Variants in USP33 observed in about 807,000 individuals in gnomAD.
The protein encoded by USP33 is ubiquitin carboxyl-terminal hydrolase 33.
USP33 carries 46 observed loss-of-function variants against 124.2 expected under a neutral mutation model. That is an observed-to-expected ratio of 0.37 (90% CI 0.29 to 0.47). The LOEUF is 0.47. Among genes scored for constraint, USP33 ranks in the 20% least tolerant of loss-of-function variants. The pLI is 0.99. For missense variants in USP33, 851 were observed against 1,070.6 expected (o/e 0.79, Z 2.86); for synonymous variants, 350 against 352.3 (o/e 0.99, Z 0.07).
chr1:77,720,621 C>T, intron 15 of USP33: 1 of 985,446 alleles, frequency 1.0e-6, no homozygotes, highest in African/African-American at 1.7e-5. Flanking sequence ...TTCCAGTTCA[C>T]TTTGCCTCAC....
intron 1 of USP33, chr1:77,745,697 C>A (rs990434229): frequency 1.3e-5 from 2 of 152,150 alleles, no homozygotes; most frequent in Non-Finnish European, 2.9e-5. Context: ...GACCACAGTG[C>A]AATCAAATTA....
chr1:77,735,572 T>C (rs1257373557), intron 6 of USP33, among the ~76,000 whole-genome samples: 1 of 152,170 alleles, frequency 6.6e-6, no homozygotes, highest in African/African-American at 2.4e-5. Flanking sequence ...ACCACTAGTA[T>C]CAATTATAAA....
Position 77,721,220 on chromosome 1 carries a change from G to C in USP33, c.1658-15C>G, listed in dbSNP as rs368680892. The stretch of plus-strand genomic sequence containing the variant: ...CATATTGTCACCTGCAAATAAAACA[G>C]ATCTGGCATTGGTTTCAAATTAACA... On this transcript the variant is annotated splice_polypyrimidine_tract_variant and intron_variant, in intron 14 of 23. Coordinates refer to ENST00000370794, the MANE Select transcript of USP33 (RefSeq NM_201624.3). 4 of 1,613,526 alleles carry C rather than the reference G, an allele frequency of 2.5e-6. No homozygotes were observed. Among genetic ancestry groups the C allele is most frequent in the Non-Finnish European group, 3.4e-6 (4 of 1,179,784 alleles).
chr1:77,732,392 C>T (rs771424956), intron 7 of USP33, among the ~76,000 whole-genome samples: 1 of 152,154 alleles, frequency 6.6e-6, no homozygotes, highest in Non-Finnish European at 1.5e-5. Context: ...ACTACCACTA[C>T]TTCTTGCCTA....
chr1:77,749,533 C>T (rs572604208), intron 1 of USP33, among the ~76,000 whole-genome samples: 3 of 152,058 alleles, frequency 2.0e-5, no homozygotes, highest in Non-Finnish European at 4.4e-5. Context: ...AGGCGTGTGC[C>T]ACCACGACTG....
chr1:77,705,665 T>C (rs1486832783), intron 21 of USP33, among the ~76,000 whole-genome samples: 2 of 150,480 alleles, frequency 1.3e-5, no homozygotes, highest in Non-Finnish European at 3.0e-5. Context: ...CCAGATTTGC[T>C]TTAAAAAAAA....
rs540315702 is a variant in USP33, at chr1:77,726,349, TA to T, written c.1136-588del. ...GATCTTGTTTGTCCAAATATAGCAT[TA>T]AAAAAAAAAAAAGAGGCTAGGCTGG... On this transcript the variant is annotated intron_variant, in intron 10 of 23. Transcript: ENST00000370794. Among the ~76,000 whole-genome samples the T allele has an allele frequency of 8.2e-3, 1,145 of 139,856 alleles. 8 individuals are homozygous for T. The highest frequency in any genetic ancestry group is 0.021 in the African/African-American group (793 of 38,168). 91.8% of individuals were successfully genotyped at this position (139,856 alleles called of 152,430 possible). A position where few individuals can be genotyped will look rare whatever the true frequency, so the allele number is the denominator to read the frequency against.
At chr1:77,723,584 C>A in intron 11 of USP33, 141 bp from the exon 12 acceptor site, 1 of 596,018 alleles carries the variant, frequency 1.7e-6, no homozygotes, top group Non-Finnish European at 2.9e-6. Context: ...TGAAAATTTT[C>A]AAAATACTCT....
intron 8 of USP33, among the ~76,000 whole-genome samples, 174 bp from the exon 9 acceptor site, chr1:77,730,112 T>C (rs1237649534): frequency 1.3e-5 from 2 of 152,206 alleles, no homozygotes; most frequent in Non-Finnish European, 2.9e-5. Context: ...TTATCCTTGA[T>C]ATTTTAAGTG....
chr1:77,759,501 C>A (rs1681124475), intron 1 of USP33, 142 bp downstream of exon 1: 3 of 397,032 alleles, frequency 7.6e-6, no homozygotes, highest in Admixed American at 4.4e-5. Flanking sequence ...CGCCCGCGAA[C>A]CCGCCGCCAC....
intron 15 of USP33, chr1:77,720,466 A>G: frequency 1.0e-6 from 1 of 985,424 alleles, no homozygotes; most frequent in Non-Finnish European, 1.2e-6. Flanking sequence ...TTATCAACCA[A>G]ATAGTATACC....
intron 4 of USP33, among the ~76,000 whole-genome samples, chr1:77,739,735 G>A (rs576493925): frequency 6.6e-6 from 1 of 152,138 alleles, no homozygotes; most frequent in Non-Finnish European, 1.5e-5. Flanking sequence ...ATTAACAATA[G>A]CAAGTAACTA....
At position 77,744,106 on chromosome 1, in the gene USP33, G is replaced by C. The variant is rs185699978; in HGVS notation, c.-51-2358C>G. Reference sequence around the variant, plus strand: ...GCCACTGCAATCCAACCTGAGGACAGAGCAAGACTCTGTCTCAAAAAAAAA... The same window carrying C: ...GCCACTGCAATCCAACCTGAGGACACAGCAAGACTCTGTCTCAAAAAAAAA... On this transcript the variant is annotated intron_variant, in intron 1 of 23. Transcript: ENST00000370794. 5.5e-5 allele frequency among the ~76,000 whole-genome samples: 8 copies of C among 144,348 alleles called. No individual in the cohort carries two copies. In the East Asian group the frequency reaches 1.6e-3, roughly 29 times the overall value. 94.7% of individuals were successfully genotyped at this position (144,348 alleles called of 152,430 possible). A position where few individuals can be genotyped will look rare whatever the true frequency, so the allele number is the denominator to read the frequency against.
intron 11 of USP33, among the ~76,000 whole-genome samples, chr1:77,724,140 GA>G (rs1676898398): frequency 6.6e-6 from 1 of 152,126 alleles, no homozygotes; most frequent in Non-Finnish European, 1.5e-5. Context: ...GAAAGATGAT[GA>G]AAGTCATCAT....
intron 1 of USP33, among the ~76,000 whole-genome samples, chr1:77,743,954 T>C (rs574358476): frequency 2.0e-5 from 3 of 152,086 alleles, no homozygotes; most frequent in African/African-American, 7.2e-5. Context: ...GGGAACCCCA[T>C]CTCTACTAAG....
chr1:77,736,318 A>G (rs755418920), intron 5 of USP33, among the ~76,000 whole-genome samples, 160 bp from the exon 6 acceptor site: 4 of 152,214 alleles, frequency 2.6e-5, no homozygotes, highest in Admixed American at 6.5e-5. Context: ...ACTTACATTT[A>G]TATTTTGAAG....
At chr1:77,722,912 T>C (rs951299053) in intron 12 of USP33, among the ~76,000 whole-genome samples, 8 of 152,218 alleles carry the variant, frequency 5.3e-5, no homozygotes, top group Non-Finnish European at 1.0e-4. Context: ...AGTCCCATCC[T>C]AAACATGGAA....
intron 15 of USP33, chr1:77,720,199 TA>T (rs1374968767): frequency 1.1e-5 from 4 of 350,700 alleles, no homozygotes; most frequent in South Asian, 2.2e-4. Flanking sequence ...AAAAAACCTT[TA>T]TTCTTACATG....
chr1:77,742,102 CACTTTTATCCT>C (rs1408351181), intron 1 of USP33, among the ~76,000 whole-genome samples: 1 of 151,376 alleles, frequency 6.6e-6, no homozygotes, highest in Non-Finnish European at 1.5e-5. Flanking sequence ...AACTGTGAAG[CACTTTTATCCT>C]TTTAAAAAAA....
Sources: gnomAD v4.1 joint callset for allele counts (sites outside exome capture counted in the v4.1 genomes callset) on GRCh38, gnomAD v4.1.1 for gene constraint, MANE v1.5 for transcripts, NCBI Gene and HGNC (gene_info 2026-07-23, HGNC 2026-07-21) for gene names.